ZNF33B: variants seen among roughly 807,000 people sequenced by gnomAD.
ZNF33B encodes the protein zinc finger protein 33B.
ZNF33B carries 29 observed loss-of-function variants against 45.8 expected under a neutral mutation model. The ratio of observed to expected loss-of-function variants is 0.63; its 90% confidence interval spans 0.47 to 0.86. The LOEUF (loss-of-function observed/expected upper bound fraction) is 0.86. ZNF33B is among the 40% of genes least tolerant of loss of function. The pLI, the probability that ZNF33B is intolerant of heterozygous loss-of-function variation, is 0.00. For synonymous variants in ZNF33B, 305 were observed against 307.8 expected (o/e 0.99, Z 0.10); for missense variants, 831 against 909.9 (o/e 0.91, Z 1.12).
At chr10:42,580,321 A>AC (rs1311469977) in intron 1 of ZNF33B, among the ~76,000 whole-genome samples, 1 of 151,698 alleles carries the variant, frequency 6.6e-6, no homozygotes, top group Non-Finnish European at 1.5e-5. Flanking sequence ...GCTCACTGCA[A>AC]CCTCCACCTC....
intron 1 of ZNF33B, among the ~76,000 whole-genome samples, chr10:42,577,088 G>A (rs369013127): frequency 1.7e-4 from 23 of 137,954 alleles, no homozygotes; most frequent in Middle Eastern, 5.3e-3. Context: ...AGCTGAGATC[G>A]TGCCATTGCA....
intron 4 of ZNF33B, among the ~76,000 whole-genome samples, chr10:42,611,214 G>A (rs1838083251): frequency 6.6e-6 from 1 of 152,082 alleles, no homozygotes; most frequent in Non-Finnish European, 1.5e-5. Flanking sequence ...GGTGGCACAT[G>A]CCTGTAATCC....
chr10:42,583,226 A>C (rs1476007103), intron 1 of ZNF33B: 2 of 678,324 alleles, frequency 2.9e-6, no homozygotes, highest in Non-Finnish European at 5.5e-6. Flanking sequence ...TTTCCTACAG[A>C]ATGCTTAACC....
chr10:42,607,348 C>T (rs1228826162), intron 4 of ZNF33B, among the ~76,000 whole-genome samples: 4 of 110,850 alleles, frequency 3.6e-5, no homozygotes, highest in Non-Finnish European at 7.5e-5. Context: ...CATAAACAAA[C>T]ATAGAGAGTG....
At chr10:42,620,840 T>C (rs1474911550) in intron 4 of ZNF33B, among the ~76,000 whole-genome samples, 2 of 152,106 alleles carry the variant, frequency 1.3e-5, no homozygotes, top group African/African-American at 2.4e-5. Context: ...GGGGTGGCTA[T>C]ACTAATTTCA....
At chr10:42,614,955 A>T (rs1465842779) in intron 4 of ZNF33B, among the ~76,000 whole-genome samples, 2 of 152,210 alleles carry the variant, frequency 1.3e-5, no homozygotes, top group African/African-American at 4.8e-5. Context: ...TCCATCTCAA[A>T]AAGAAAAAAA....
At chr10:42,598,936 T>G (rs1208298773) in intron 4 of ZNF33B, among the ~76,000 whole-genome samples, 1 of 152,038 alleles carries the variant, frequency 6.6e-6, no homozygotes, top group Non-Finnish European at 1.5e-5. Flanking sequence ...CTTCTTGAAT[T>G]TTCTGGAAAA....
intron 4 of ZNF33B, among the ~76,000 whole-genome samples, chr10:42,627,554 T>C (rs1185249753): frequency 1.3e-5 from 2 of 152,220 alleles, no homozygotes; most frequent in African/African-American, 2.4e-5. Context: ...GTTATTTTCT[T>C]CCTTCTACTT....
At position 42,638,473 on chromosome 10, in the gene ZNF33B, CCTCA is replaced by C. The variant is rs1839448560; in HGVS notation, c.-48_-45del. 3 of 436,926 alleles carry C rather than the reference CCTCA, an allele frequency of 6.9e-6. No homozygotes were observed. Among genetic ancestry groups the C allele is most frequent in the South Asian group, 5.0e-5 (3 of 59,880 alleles). 27.1% of individuals were successfully genotyped at this position (436,926 alleles called of 1,614,324 possible). On this transcript the variant is annotated splice_region_variant and 5_prime_UTR_variant, in exon 1 of 5. Transcript: ENST00000359467. ...TCCCTGCCCAACCCGCGGAGGCTTA[CCTCA>C]CTCTCTCTTCGGGTTGCATTCGCCA... is the stretch of plus-strand genomic sequence containing the variant.
chr10:42,628,985 C>T (rs1323316760), intron 4 of ZNF33B, among the ~76,000 whole-genome samples: 1 of 152,160 alleles, frequency 6.6e-6, no homozygotes, highest in Non-Finnish European at 1.5e-5. Context: ...GAAATCAGAA[C>T]ATCAATGAGA....
At chr10:42,578,033 G>A (rs960242768) in intron 1 of ZNF33B, among the ~76,000 whole-genome samples, 6 of 151,926 alleles carry the variant, frequency 3.9e-5, no homozygotes, top group African/African-American at 1.5e-4. Context: ...GAGGATAGCC[G>A]GTGGGCCTGC....
rs1280679233 is a variant in ZNF33B at position 42,593,259 on chromosome 10, T to C, written c.1691A>G (p.His564Arg). The C allele has an allele frequency of 6.8e-6, 11 of 1,613,808 alleles. No individual in the cohort carries two copies. The highest frequency in any genetic ancestry group is 4.0e-5 in the African/African-American group (3 of 74,910). Reference protein sequence around the residue: ...ACPECGKFFSHKSTLSQHYRT... With the variant: ...ACPECGKFFSRKSTLSQHYRT... ...ATAATGTTGAGAGAGGGTTGACTTA[T>C]GGCTAAAGAATTTCCCACATTCAGG... The change falls in exon 5 of 5, where the codon CAT (histidine) becomes CGT (arginine). Residue 564 changes from histidine (H) to arginine (R), a missense_variant. By Grantham distance (29) the His-to-Arg change is conservative. Coordinates refer to ENST00000359467, the MANE Select transcript of ZNF33B (RefSeq NM_006955.3).
At chr10:42,604,415 A>T (rs2132073761) in intron 4 of ZNF33B, among the ~76,000 whole-genome samples, 1 of 152,286 alleles carries the variant, frequency 6.6e-6, no homozygotes, top group East Asian at 1.9e-4. Flanking sequence ...TCTGAACTCC[A>T]GCCTGGGTGA....
chr10:42,607,818 G>C lies in ZNF33B; in HGVS notation c.251-13119C>G, dbSNP rs189114965. ...TCAAACCCAATAAACCCATTGAAAA[G>C]TTAAAAAATCATAAGTCAAACCATT... On this transcript the variant is annotated intron_variant, in intron 4 of 4. Transcript: ENST00000359467. 4.9e-4 allele frequency among the ~76,000 whole-genome samples: 75 copies of C among 152,202 alleles called. 1 individual carries two copies. Among genetic ancestry groups the C allele is most frequent in the African/African-American group, 1.7e-3 (70 of 41,542 alleles).
At chr10:42,612,655 C>T (rs769936994) in intron 4 of ZNF33B, among the ~76,000 whole-genome samples, 19 of 152,156 alleles carry the variant, frequency 1.2e-4, no homozygotes, top group African/African-American at 3.4e-4. Context: ...TATTAGTGTG[C>T]GGTTTTTCTT....
intron 4 of ZNF33B, among the ~76,000 whole-genome samples, chr10:42,629,801 T>C (rs908123616): frequency 6.6e-6 from 1 of 152,228 alleles, no homozygotes; most frequent in Non-Finnish European, 1.5e-5. Context: ...CTGGGTTTAT[T>C]TATAGTGTTT....
intron 4 of ZNF33B, among the ~76,000 whole-genome samples, chr10:42,603,823 T>A (rs1278561155): frequency 6.6e-6 from 1 of 152,194 alleles, no homozygotes; most frequent in East Asian, 1.9e-4. Context: ...ACCACTGCCA[T>A]GCTAAAGATA....
intron 4 of ZNF33B, among the ~76,000 whole-genome samples, chr10:42,617,370 T>C (rs1164982811): frequency 2.0e-5 from 3 of 151,532 alleles, no homozygotes; most frequent in Non-Finnish European, 1.5e-5. Context: ...TCCCAAAGTG[T>C]TGAAATTACA....
chr10:42,630,824 C>A (rs1839015978), intron 4 of ZNF33B, among the ~76,000 whole-genome samples: 1 of 152,124 alleles, frequency 6.6e-6, no homozygotes, highest in African/African-American at 2.4e-5. Context: ...AGATTTTAAC[C>A]AAATAAGGCT....
Sources: gnomAD v4.1 joint callset for allele counts (sites outside exome capture counted in the v4.1 genomes callset) on GRCh38, gnomAD v4.1.1 for gene constraint, MANE v1.5 for transcripts, NCBI Gene and HGNC (gene_info 2026-07-23, HGNC 2026-07-21) for gene names.